Variants in GALNT17 observed in about 807,000 individuals in gnomAD.
The protein encoded by GALNT17 is UDP-GalNAc:polypeptide N-acetylgalactosaminyltransferase-like 3.
In GALNT17, 29 loss-of-function variants were observed where a neutral mutation model predicts 63.7. The ratio of observed to expected loss-of-function variants is 0.46; its 90% CI spans 0.34 to 0.62. The LOEUF (loss-of-function observed/expected upper bound fraction) is 0.62, where lower values mean the gene tolerates loss of function less well. GALNT17 is among the 20% of genes least tolerant of loss of function. The pLI is 0.01. For synonymous variants in GALNT17, 305 were observed against 318.3 expected, an observed-to-expected ratio of 0.96 and a Z score of 0.45; for missense variants, 603 against 799.6, an observed-to-expected ratio of 0.75 and a Z score of 2.97.
chr7:71,620,238 G>T (rs1295501094), intron 6 of GALNT17, among the ~76,000 whole-genome samples: 1 of 152,186 alleles, frequency 6.6e-6, no homozygotes, highest in Admixed American at 6.5e-5. Flanking sequence ...AGGGATATAG[G>T]TTTGAAGTTT....
intron 1 of GALNT17, among the ~76,000 whole-genome samples, chr7:71,245,297 G>A (rs1030694351): frequency 5.9e-5 from 9 of 152,156 alleles, no homozygotes; most frequent in African/African-American, 1.9e-4. Context: ...TGCTAAGAGA[G>A]TGTGCTAAAA....
intron 6 of GALNT17, among the ~76,000 whole-genome samples, chr7:71,651,821 C>T (rs920867741): frequency 6.6e-6 from 1 of 152,164 alleles, no homozygotes; most frequent in African/African-American, 2.4e-5. Context: ...AAGTGATCCT[C>T]CTACCTCAAC....
intron 1 of GALNT17, among the ~76,000 whole-genome samples, chr7:71,271,775 G>A (rs932441427): frequency 2.6e-5 from 4 of 152,012 alleles, no homozygotes; most frequent in African/African-American, 9.7e-5. Flanking sequence ...TTATTTAGTG[G>A]TGGGGACAGG....
intron 5 of GALNT17, among the ~76,000 whole-genome samples, chr7:71,542,418 T>C (rs974661981): frequency 6.6e-6 from 1 of 151,968 alleles, no homozygotes; most frequent in African/African-American, 2.4e-5. Context: ...CACTAAAAGA[T>C]AATGATAATC....
At chr7:71,565,533 CCT>C (rs1454792207) in intron 5 of GALNT17, among the ~76,000 whole-genome samples, 4 of 150,986 alleles carry the variant, frequency 2.6e-5, no homozygotes, top group African/African-American at 4.9e-5. Context: ...AGCACACTCC[CCT>C]GATACCCAGT....
chr7:71,412,052 C>T (rs2116423035), intron 3 of GALNT17, among the ~76,000 whole-genome samples: 1 of 152,324 alleles, frequency 6.6e-6, no homozygotes, highest in East Asian at 1.9e-4. Context: ...GGTTTGAGAA[C>T]TTCATTTCCT....
rs576570758 is a variant in GALNT17 at position 71,379,630 on chromosome 7, T to C, written c.423-8605T>C. 2.0e-5 allele frequency among the ~76,000 whole-genome samples: 3 copies of C among 152,178 alleles called. No homozygotes were observed. The South Asian group carries it at 6.2e-4, about 32-fold the overall frequency. The stretch of plus-strand genomic sequence containing the variant: ...CAGGATTTGGTGACCGATAGGCATG[T>C]TGAGGGGTCATGACTTGAATTTGAC... On this transcript the variant is annotated intron_variant, in intron 2 of 10. Coordinates refer to ENST00000333538, the MANE Select transcript of GALNT17 (RefSeq NM_022479.3).
chr7:71,580,371 A>G (rs1436340286), intron 6 of GALNT17, among the ~76,000 whole-genome samples: 1 of 150,404 alleles, frequency 6.6e-6, no homozygotes, highest in African/African-American at 2.4e-5. Context: ...TGATATATAA[A>G]TAGATGATAG....
intron 1 of GALNT17, among the ~76,000 whole-genome samples, chr7:71,304,017 A>G (rs1791245866): frequency 1.3e-5 from 2 of 152,194 alleles, no homozygotes; most frequent in Admixed American, 1.3e-4. Context: ...TGAGCCAATT[A>G]AAATACTAAA....
intron 1 of GALNT17, among the ~76,000 whole-genome samples, chr7:71,291,713 A>T (rs764463504): frequency 2.6e-5 from 4 of 152,132 alleles, no homozygotes; most frequent in Non-Finnish European, 4.4e-5. Flanking sequence ...TCTATATACT[A>T]ATTTTCTGAG....
chr7:71,537,761 T>C (rs1421326926), intron 5 of GALNT17, among the ~76,000 whole-genome samples: 2 of 152,058 alleles, frequency 1.3e-5, no homozygotes, highest in Non-Finnish European at 2.9e-5. Flanking sequence ...TGCAATGAGC[T>C]GAGATCAAGG....
intron 1 of GALNT17, among the ~76,000 whole-genome samples, chr7:71,171,179 TTC>T (rs1434136655): frequency 6.6e-6 from 1 of 152,210 alleles, no homozygotes; most frequent in Non-Finnish European, 1.5e-5. Context: ...ATCAGTGTTG[TTC>T]AGTTTTCTGT....
chr7:71,182,903 T>C (rs1271627836), intron 1 of GALNT17, among the ~76,000 whole-genome samples: 1 of 152,200 alleles, frequency 6.6e-6, no homozygotes, highest in Non-Finnish European at 1.5e-5. Flanking sequence ...AAGAAAAGAA[T>C]CTTTCTCTGT....
chr7:71,480,795 C>G (rs1486236817), intron 5 of GALNT17, among the ~76,000 whole-genome samples: 2 of 152,202 alleles, frequency 1.3e-5, no homozygotes, highest in African/African-American at 4.8e-5. Context: ...GCATGAGCCA[C>G]CATGCCCAGC....
rs113690880 is a variant in GALNT17 at position 71,278,129 on chromosome 7, T to C, written c.239-57421T>C. On this transcript the variant is annotated intron_variant, in intron 1 of 10. Transcript: ENST00000333538. ...ATAATAATGATACTAAGAAAAGAGG[T>C]CACTGTGTGTCAGTTACTATGTTTC... Among the ~76,000 whole-genome samples, 1,009 of 152,224 alleles carry C rather than the reference T, an allele frequency of 6.6e-3. 11 individuals are homozygous for C. The highest frequency in any genetic ancestry group is 0.023 in the African/African-American group (940 of 41,524).
intron 1 of GALNT17, among the ~76,000 whole-genome samples, chr7:71,324,261 G>T (rs1791666466): frequency 6.6e-6 from 1 of 152,164 alleles, no homozygotes; most frequent in Non-Finnish European, 1.5e-5. Flanking sequence ...GTTAGGAGTT[G>T]CCTGCAATAA....
chr7:71,520,427 G>A (rs571543251), intron 5 of GALNT17, among the ~76,000 whole-genome samples: 26 of 152,216 alleles, frequency 1.7e-4, no homozygotes, highest in Admixed American at 1.2e-3. Context: ...GGAGGCAGAG[G>A]CAGGAGAATT....
intron 1 of GALNT17, among the ~76,000 whole-genome samples, chr7:71,176,178 A>G (rs796255498): frequency 9.2e-5 from 14 of 152,016 alleles, no homozygotes; most frequent in African/African-American, 3.1e-4. Context: ...GAGAGAGAGA[A>G]TGAGAACACC....
intron 6 of GALNT17, among the ~76,000 whole-genome samples, chr7:71,624,666 T>C (rs1790345567): frequency 6.6e-6 from 1 of 152,240 alleles, no homozygotes; most frequent in South Asian, 2.1e-4. Flanking sequence ...CGATTTTTAC[T>C]ATGTTGGAAA....
Sources: gnomAD v4.1 joint callset for allele counts (sites outside exome capture counted in the v4.1 genomes callset) on GRCh38, gnomAD v4.1.1 for gene constraint, MANE v1.5 for transcripts, NCBI Gene and HGNC (gene_info 2026-07-23, HGNC 2026-07-21) for gene names.